Variants in SLC75A1 observed in about 807,000 individuals in gnomAD.
SLC75A1 encodes the protein major facilitator superfamily domain containing 10.
the SLC75A1 span, chr4:2,931,134 C>T: frequency 1.5e-5 from 24 of 1,571,954 alleles, 1 homozygote; most frequent in Admixed American, 1.1e-4. Flanking sequence ...TGACCGTGCC[C>T]TTCTGCCCTG....
At chr4:2,933,167 G>A in the SLC75A1 span, 94 of 1,613,558 alleles carry the variant, frequency 5.8e-5, 1 homozygote, top group Middle Eastern at 4.9e-4. Flanking sequence ...AGTGAGTGGC[G>A]CACACAGAAA....
the SLC75A1 span, chr4:2,930,616 TA>T: frequency 3.4e-6 from 2 of 590,784 alleles, no homozygotes; most frequent in Non-Finnish European, 6.0e-6. Flanking sequence ...GTGCATAGTT[TA>T]AAAAACAAAC....
At chr4:2,933,768 G>T in the SLC75A1 span, 1 of 1,598,146 alleles carries the variant, frequency 6.3e-7, no homozygotes, top group Non-Finnish European at 8.5e-7. Flanking sequence ...CACGGCCGTG[G>T]CTCTCCAACA....
the SLC75A1 span, chr4:2,931,966 C>T: frequency 2.1e-5 from 33 of 1,601,614 alleles, 2 homozygotes; most frequent in Admixed American, 2.4e-4. Flanking sequence ...GCTGAGAAGG[C>T]GACCACAGCA....
the SLC75A1 span, chr4:2,934,274 G>C: frequency 3.4e-6 from 1 of 296,616 alleles, no homozygotes. Flanking sequence ...GAAGCCGCGG[G>C]GAACCCGGAT....
the SLC75A1 span, chr4:2,931,093 G>C: frequency 5.0e-6 from 8 of 1,595,552 alleles, no homozygotes; most frequent in Admixed American, 1.0e-4. Context: ...CGCGGCCCTG[G>C]CCAGAGCACC....
At chr4:2,931,460 G>A in the SLC75A1 span, 2 of 1,572,944 alleles carry the variant, frequency 1.3e-6, no homozygotes, top group South Asian at 2.3e-5. Flanking sequence ...CCAGCAGCAG[G>A]AGGGCCTGCA....
the SLC75A1 span, chr4:2,933,709 C>T: frequency 1.3e-6 from 2 of 1,599,524 alleles, no homozygotes; most frequent in Non-Finnish European, 8.5e-7. Context: ...GTCTGATGGG[C>T]CTGGGGGGCA....
chr4:2,933,477 G>T, the SLC75A1 span: 1 of 1,399,968 alleles, frequency 7.1e-7, no homozygotes, highest in South Asian at 1.2e-5. Flanking sequence ...GGAAGGCAAG[G>T]ACCGAGAATT....
At chr4:2,931,976 A>G in the SLC75A1 span, 1 of 1,602,440 alleles carries the variant, frequency 6.2e-7, no homozygotes, top group African/African-American at 1.3e-5. Flanking sequence ...CGACCACAGC[A>G]GGGAAGGGCG....
the SLC75A1 span, chr4:2,933,140 C>T: frequency 2.5e-6 from 4 of 1,613,568 alleles, no homozygotes; most frequent in Non-Finnish European, 3.4e-6. Flanking sequence ...CCTCCCCAAG[C>T]AGTCAGAGGT....
chr4:2,932,168 T>C, the SLC75A1 span: 17 of 1,595,642 alleles, frequency 1.1e-5, no homozygotes, highest in Middle Eastern at 1.7e-4. Flanking sequence ...GGGGATGGCA[T>C]TGGAGAGCCT....
At chr4:2,931,508 A>G in the SLC75A1 span, 1 of 1,594,748 alleles carries the variant, frequency 6.3e-7, no homozygotes, top group South Asian at 1.1e-5. Flanking sequence ...CGTGCCCTGC[A>G]GGACTCAGGG....
At chr4:2,930,787 A>T in the SLC75A1 span, 1 of 1,594,118 alleles carries the variant, frequency 6.3e-7, no homozygotes, top group Non-Finnish European at 8.6e-7. Flanking sequence ...CAGGGGCCTG[A>T]CCTAGGCTCC....
the SLC75A1 span, chr4:2,933,955 T>TGCGGC: frequency 6.5e-7 from 1 of 1,540,538 alleles, no homozygotes. Flanking sequence ...CTGGGTGGGG[T>TGCGGC]GCGGCGGGTC....
the SLC75A1 span, chr4:2,933,793 G>A: frequency 5.0e-6 from 8 of 1,593,252 alleles, no homozygotes; most frequent in Admixed American, 3.6e-5. Context: ...GGGCAGCAGG[G>A]GCAGCAGCAG....
the SLC75A1 span, chr4:2,931,725 C>A: frequency 6.4e-7 from 1 of 1,557,266 alleles, no homozygotes; most frequent in South Asian, 1.1e-5. Flanking sequence ...AGGGCCAGGG[C>A]GAGAGTGGCT....
At chr4:2,933,638 C>A in the SLC75A1 span, 1 of 1,613,864 alleles carries the variant, frequency 6.2e-7, no homozygotes, top group Non-Finnish European at 8.5e-7. Flanking sequence ...GTCCACCCCG[C>A]CCTGCCAGGA....
chr4:2,931,862 G>C, the SLC75A1 span: 5 of 1,610,128 alleles, frequency 3.1e-6, no homozygotes, highest in East Asian at 1.1e-4. Context: ...AGGAAGCTCA[G>C]CGTGTACTCC....
Sources: allele counts gnomAD v4.1 joint callset, GRCh38; gene constraint gnomAD v4.1.1; transcripts MANE v1.5; gene names NCBI Gene and HGNC (gene_info 2026-07-23, HGNC 2026-07-21).